Variants in C8orf34 observed in about 807,000 individuals in gnomAD.
C8orf34 encodes the protein uncharacterized protein C8orf34.
A neutral mutation model predicts 68.3 loss-of-function variants in C8orf34; 65 were observed. The ratio of observed to expected loss-of-function variants is 0.95; its 90% CI spans 0.78 to 1.17. The LOEUF is 1.17. C8orf34 is among the 50% of genes most tolerant of loss of function. The probability of loss-of-function intolerance (pLI) is 0.00; values close to 1 mark genes in which losing one functional copy is unlikely to be tolerated. For synonymous variants in C8orf34, 244 were observed against 241.2 expected (o/e 1.01, Z -0.11); for missense variants, 664 against 655.4 (o/e 1.01, Z -0.14).
At chr8:68,708,007 G>A (rs1371899826) in intron 8 of C8orf34, among the ~76,000 whole-genome samples, 2 of 152,070 alleles carry the variant, frequency 1.3e-5, no homozygotes, top group Admixed American at 6.6e-5. Context: ...TTTATTTAAA[G>A]TGGTCTTTTT....
rs144544768 is a variant in C8orf34 at position 68,812,858 on chromosome 8, A to G, written c.1550-3028A>G. ...TTTATTCAGGGAGGTCATAACCTCT[A>G]GAAACACAGATACATGCGTGTAATA... On this transcript the variant is annotated intron_variant, in intron 12 of 13. Transcript: ENST00000518698. Among the ~76,000 whole-genome samples, 34 of 152,320 alleles carry G rather than the reference A, an allele frequency of 2.2e-4. No individual in the cohort carries two copies. In the East Asian group the frequency reaches 6.6e-3, roughly 29 times the overall value.
intron 7 of C8orf34, chr8:68,534,983 G>C (rs1457207632): frequency 7.9e-5 from 78 of 985,260 alleles, no homozygotes; most frequent in Non-Finnish European, 9.3e-5. Flanking sequence ...TTGAAGGTTT[G>C]GACTTTCTTC....
At position 68,605,819 on chromosome 8, in the gene C8orf34, A is replaced by T. The variant is rs139097603; in HGVS notation, c.1106-34557A>T. Among the ~76,000 whole-genome samples, 417 of 152,236 alleles carry T rather than the reference A, an allele frequency of 2.7e-3. 1 individual carries two copies. The highest frequency in any genetic ancestry group is 8.4e-3 in the African/African-American group (348 of 41,560). On this transcript the variant is annotated intron_variant, in intron 7 of 13. Coordinates refer to ENST00000518698, the MANE Select transcript of C8orf34 (RefSeq NM_052958.4). ...GATATATGTCATTATACATTTGTCC[A>T]AATTCTTAGAATGTAAAAGCACAAA...
At chr8:68,761,599 C>T (rs539078344) in intron 10 of C8orf34, among the ~76,000 whole-genome samples, 12 of 152,284 alleles carry the variant, frequency 7.9e-5, no homozygotes, top group Non-Finnish European at 1.2e-4. Context: ...ACTTCTTCAA[C>T]GATTCTTTAT....
chr8:68,610,031 C>A (rs1009585670), intron 7 of C8orf34, among the ~76,000 whole-genome samples: 5 of 152,146 alleles, frequency 3.3e-5, no homozygotes, highest in African/African-American at 1.2e-4. Context: ...TTATCTCTCA[C>A]ATTCACTCAG....
chr8:68,660,910 A>T (rs905544983), intron 8 of C8orf34, among the ~76,000 whole-genome samples: 1 of 152,190 alleles, frequency 6.6e-6, no homozygotes, highest in African/African-American at 2.4e-5. Flanking sequence ...AGGGGGGGGA[A>T]AAACAACAGC....
intron 1 of C8orf34, among the ~76,000 whole-genome samples, chr8:68,433,664 A>G (rs1810540167): frequency 6.6e-6 from 1 of 152,230 alleles, no homozygotes; most frequent in Non-Finnish European, 1.5e-5. Context: ...CAGTACACGA[A>G]TGGGTAAACA....
At chr8:68,813,178 GT>G (rs942401011) in intron 12 of C8orf34, among the ~76,000 whole-genome samples, 4 of 152,044 alleles carry the variant, frequency 2.6e-5, no homozygotes, top group Non-Finnish European at 4.4e-5. Flanking sequence ...TCTCTTATTT[GT>G]TTTCCCCATC....
chr8:68,674,304 A>T (rs972222305), intron 8 of C8orf34, among the ~76,000 whole-genome samples: 4 of 152,168 alleles, frequency 2.6e-5, no homozygotes, highest in African/African-American at 9.6e-5. Context: ...AGATGAACTA[A>T]ATAAGTCACC....
At chr8:68,605,703 T>G (rs1409816967) in intron 7 of C8orf34, among the ~76,000 whole-genome samples, 1 of 152,082 alleles carries the variant, frequency 6.6e-6, no homozygotes, top group Non-Finnish European at 1.5e-5. Flanking sequence ...AGAATCAGTG[T>G]TTGCCAGGGC....
chr8:68,714,569 G>A (rs1402846879), intron 9 of C8orf34, among the ~76,000 whole-genome samples: 1 of 152,020 alleles, frequency 6.6e-6, no homozygotes, highest in African/African-American at 2.4e-5. Context: ...ACTAAACAAG[G>A]AAGTGAAAGA....
intron 7 of C8orf34, among the ~76,000 whole-genome samples, chr8:68,606,576 G>C (rs1469271417): frequency 6.6e-6 from 1 of 152,066 alleles, no homozygotes. Flanking sequence ...AATTGTACTT[G>C]TTGGTATTAG....
intron 1 of C8orf34, among the ~76,000 whole-genome samples, chr8:68,390,381 C>G (rs1383221999): frequency 6.6e-6 from 1 of 152,038 alleles, no homozygotes. Flanking sequence ...AGGGTAGTGG[C>G]CACTTGCTTT....
At chr8:68,426,154 TAATA>T (rs943686100) in intron 1 of C8orf34, among the ~76,000 whole-genome samples, 8 of 152,130 alleles carry the variant, frequency 5.3e-5, no homozygotes, top group African/African-American at 1.9e-4. Context: ...AAAGTATGAC[TAATA>T]AATAAAATTG....
intron 7 of C8orf34, chr8:68,535,091 T>C: frequency 1.0e-6 from 1 of 985,062 alleles, no homozygotes; most frequent in Non-Finnish European, 1.2e-6. Context: ...ATGTTACAAG[T>C]CCACTGGACT....
chr8:68,581,040 T>G (rs1205942726), intron 7 of C8orf34, among the ~76,000 whole-genome samples: 2 of 152,078 alleles, frequency 1.3e-5, no homozygotes, highest in Non-Finnish European at 2.9e-5. Flanking sequence ...TTAGGGGTGT[T>G]GGCTACGTCT....
intron 8 of C8orf34, among the ~76,000 whole-genome samples, chr8:68,647,814 G>A (rs2130765727): frequency 6.6e-6 from 1 of 152,214 alleles, no homozygotes; most frequent in South Asian, 2.1e-4. Context: ...GTGTTTTTAA[G>A]CTGGAAATTA....
At chr8:68,797,373 C>T (rs1306608388) in intron 12 of C8orf34, among the ~76,000 whole-genome samples, 3 of 152,048 alleles carry the variant, frequency 2.0e-5, no homozygotes, top group Non-Finnish European at 4.4e-5. Context: ...CCTGATTGGG[C>T]TCAGTCCTAT....
chr8:68,728,778 C>T (rs1821903937), intron 10 of C8orf34, among the ~76,000 whole-genome samples: 1 of 152,228 alleles, frequency 6.6e-6, no homozygotes, highest in Non-Finnish European at 1.5e-5. Context: ...GTTGAGATTT[C>T]AGTGGGGACA....
Sources: allele counts gnomAD v4.1 joint callset (sites outside exome capture counted in the v4.1 genomes callset), GRCh38; gene constraint gnomAD v4.1.1; transcripts MANE v1.5; gene names NCBI Gene and HGNC (gene_info 2026-07-23, HGNC 2026-07-21).